The following CAMK4 variants were observed in gnomAD, a reference collection of about 807,000 sequenced individuals.
CAMK4 encodes calcium/calmodulin dependent protein kinase IV, also known as calcium/calmodulin-dependent protein kinase type IV.
In CAMK4, 22 loss-of-function variants were observed where a neutral mutation model predicts 44.9. The observed-to-expected ratio is 0.49, with a 90% CI of 0.35 to 0.70. CAMK4 has a LOEUF of 0.70. Among genes scored for constraint, CAMK4 ranks in the 30% least tolerant of loss-of-function variants. CAMK4 has a pLI of 0.01. For synonymous variants in CAMK4, 218 were observed against 215.4 expected (o/e 1.01, Z -0.11); for missense variants, 498 against 586.8 (o/e 0.85, Z 1.56).
intron 1 of CAMK4, among the ~76,000 whole-genome samples, chr5:111,308,923 C>A (rs1210058420): frequency 6.6e-6 from 1 of 151,988 alleles, no homozygotes; most frequent in Admixed American, 6.5e-5. Context: ...TGGGGATTAC[C>A]TGTGTTGTGG....
At chr5:111,426,234 G>T (rs746979955) in intron 5 of CAMK4, among the ~76,000 whole-genome samples, 1 of 152,160 alleles carries the variant, frequency 6.6e-6, no homozygotes, top group Non-Finnish European at 1.5e-5. Context: ...CAACATGTTT[G>T]TGGGCAAATG....
chr5:111,378,428 A>G (rs2112830294), intron 4 of CAMK4, among the ~76,000 whole-genome samples: 1 of 152,252 alleles, frequency 6.6e-6, no homozygotes, highest in Non-Finnish European at 1.5e-5. Flanking sequence ...AGAGCTTTCA[A>G]AAGTATTCAT....
chr5:111,321,417 A>G (rs180925829), intron 1 of CAMK4, among the ~76,000 whole-genome samples: 1 of 151,248 alleles, frequency 6.6e-6, no homozygotes, highest in East Asian at 1.9e-4. Context: ...TAAGCCACCA[A>G]CCTTGCCTCT....
rs182720954 is a variant in CAMK4, at chr5:111,424,727, G to A, written c.460-21959G>A. Among the ~76,000 whole-genome samples, 598 of 151,974 alleles carry A rather than the reference G, an allele frequency of 3.9e-3. 5 individuals carry two copies. Among genetic ancestry groups the A allele is most frequent in the African/African-American group, 0.014 (565 of 41,500 alleles). ...CTCCCAAAGTGCTGGGATTACAGGC[G>A]TGAGCCACCGCGTCCAGCCACATCT... On this transcript the variant is annotated intron_variant, in intron 5 of 10. Coordinates refer to ENST00000282356, the MANE Select transcript of CAMK4 (RefSeq NM_001744.6).
chr5:111,472,912 C>G (rs918642295), intron 7 of CAMK4, among the ~76,000 whole-genome samples: 2 of 152,188 alleles, frequency 1.3e-5, no homozygotes, highest in Non-Finnish European at 2.9e-5. Flanking sequence ...CCCAGCAGGT[C>G]TAGATCTCAA....
At chr5:111,330,244 T>C (rs1228048783) in intron 1 of CAMK4, among the ~76,000 whole-genome samples, 3 of 151,628 alleles carry the variant, frequency 2.0e-5, no homozygotes, top group Non-Finnish European at 4.4e-5. Context: ...AATATTATTA[T>C]AATTACATCA....
At chr5:111,463,661 C>T (rs1274220408) in intron 7 of CAMK4, among the ~76,000 whole-genome samples, 1 of 152,186 alleles carries the variant, frequency 6.6e-6, no homozygotes, top group African/African-American at 2.4e-5. Flanking sequence ...TGGTTTACAC[C>T]ACAAGACTCT....
chr5:111,473,635 G>A (rs1755141365), intron 8 of CAMK4, among the ~76,000 whole-genome samples: 1 of 152,164 alleles, frequency 6.6e-6, no homozygotes, highest in Non-Finnish European at 1.5e-5. Context: ...ATATACAGCA[G>A]ATTTAGGGAA....
intron 1 of CAMK4, among the ~76,000 whole-genome samples, chr5:111,279,611 A>G (rs990525951): frequency 6.6e-6 from 1 of 152,168 alleles, no homozygotes; most frequent in African/African-American, 2.4e-5. Flanking sequence ...CCTAACTCCT[A>G]TTGCTAATTT....
At chr5:111,346,492 A>G (rs1158418705) in intron 2 of CAMK4, among the ~76,000 whole-genome samples, 1 of 151,328 alleles carries the variant, frequency 6.6e-6, no homozygotes, top group African/African-American at 2.4e-5. Flanking sequence ...TTATCTATCT[A>G]TCTATCTATC....
chr5:111,443,267 TATATATATATATAC>T (rs1484957878), intron 5 of CAMK4, among the ~76,000 whole-genome samples: 196 of 48,794 alleles, frequency 4.0e-3, no homozygotes, highest in African/African-American at 0.014. Flanking sequence ...TATATATATA[TATATATATATATAC>T]ACACACACAC....
At chr5:111,401,442 G>T (rs1365503889) in intron 5 of CAMK4, among the ~76,000 whole-genome samples, 1 of 152,100 alleles carries the variant, frequency 6.6e-6, no homozygotes, top group Admixed American at 6.6e-5. Context: ...TTTTTGGTTA[G>T]GTTTGTGTTA....
intron 5 of CAMK4, among the ~76,000 whole-genome samples, chr5:111,432,681 T>C (rs60131928): frequency 1.3e-4 from 19 of 146,154 alleles, no homozygotes; most frequent in East Asian, 9.8e-4. Context: ...TATATATATA[T>C]ACATTTATGT....
chr5:111,376,757 C>T, intron 3 of CAMK4, 103 bp from the exon 4 acceptor site: 2 of 580,922 alleles, frequency 3.4e-6, no homozygotes, highest in Non-Finnish European at 6.1e-6. Context: ...AGTGATCCAA[C>T]ATATTACTAC....
intron 1 of CAMK4, among the ~76,000 whole-genome samples, chr5:111,341,442 A>G (rs1009613317): frequency 1.3e-5 from 2 of 151,054 alleles, no homozygotes; most frequent in Admixed American, 1.3e-4. Context: ...TCATTCAAGC[A>G]CTAGGTTTTA....
In CAMK4 at chr5:111,493,192, C is replaced by A. The variant is rs1483554914; in HGVS notation, c.*8726C>A. 1 of 152,148 alleles carries A rather than the reference C, an allele frequency of 6.6e-6. No individual in the cohort carries two copies. Among genetic ancestry groups the A allele is most frequent in the South Asian group, 2.1e-4 (1 of 4,832 alleles). 9.4% of individuals were successfully genotyped at this position (152,148 alleles called of 1,614,324 possible). A position where few individuals can be genotyped will look rare whatever the true frequency, so the allele number is the denominator to read the frequency against. ...GTCCATGTGCAGCCTTTCCTCAGAG[C>A]ATCTAGCCTGACATACTTGGCTCAT... On this transcript the variant is annotated 3_prime_UTR_variant, in exon 11 of 11. Coordinates refer to ENST00000282356, the MANE Select transcript of CAMK4 (RefSeq NM_001744.6). This position sits in a 1 kb window ranked among gnomAD's most constrained non-coding sequence, Gnocchi z 4.1.
At chr5:111,401,967 T>C (rs1209575033) in intron 5 of CAMK4, among the ~76,000 whole-genome samples, 1 of 152,232 alleles carries the variant, frequency 6.6e-6, no homozygotes, top group African/African-American at 2.4e-5. Flanking sequence ...CCAGTGCTGG[T>C]GTTGCTGATA....
intron 7 of CAMK4, among the ~76,000 whole-genome samples, chr5:111,452,061 A>C (rs1754257546): frequency 6.6e-6 from 1 of 152,192 alleles, no homozygotes; most frequent in African/African-American, 2.4e-5. Context: ...TTAATTCTGG[A>C]TGGAGAGTTC....
intron 1 of CAMK4, among the ~76,000 whole-genome samples, chr5:111,280,905 A>G (rs925998514): frequency 2.0e-5 from 3 of 152,256 alleles, no homozygotes; most frequent in Non-Finnish European, 2.9e-5. Context: ...GATGGTTGCT[A>G]TGATACCAAC....
Sources: allele counts gnomAD v4.1 joint callset (sites outside exome capture counted in the v4.1 genomes callset), GRCh38; gene constraint gnomAD v4.1.1; non-coding constraint Gnocchi (gnomAD v3.1); transcripts MANE v1.5; gene names NCBI Gene and HGNC (gene_info 2026-07-23, HGNC 2026-07-21).